Variants in SLC18A1 observed in about 807,000 individuals in gnomAD.
SLC18A1 encodes solute carrier family 18 member A1, also known as chromaffin granule amine transporter.
Under a neutral mutation model 53.7 loss-of-function variants are expected in SLC18A1, and 69 were observed. The ratio of observed to expected loss-of-function variants is 1.28; its 90% CI spans 1.06 to 1.57. The LOEUF is 1.57. Among genes scored for constraint, SLC18A1 ranks in the 40% most tolerant of loss-of-function variants. The pLI is 0.00. For missense variants in SLC18A1, 932 were observed against 668.1 expected (o/e 1.40, Z -4.35); for synonymous variants, 320 against 248.1 (o/e 1.29, Z -2.72).
At chr8:20,181,843 T>C (rs2072436826) in intron 1 of SLC18A1, 2 of 152,180 alleles carry the variant, frequency 1.3e-5, no homozygotes, top group African/African-American at 4.8e-5. Flanking sequence ...AATCCCACGC[T>C]TTTCAACTTG....
chr8:20,148,921 C>G (rs2071474780), intron 12 of SLC18A1, among the ~76,000 whole-genome samples: 1 of 152,158 alleles, frequency 6.6e-6, no homozygotes, highest in Non-Finnish European at 1.5e-5. Flanking sequence ...CATCAGAACC[C>G]TCTCTACATA....
chr8:20,147,165 G>C, intron 15 of SLC18A1, 93 bp downstream of exon 15: 2 of 1,355,462 alleles, frequency 1.5e-6, no homozygotes, highest in Non-Finnish European at 2.0e-6. Context: ...GAGCAATAGA[G>C]GGAGGAAATA....
intron 10 of SLC18A1, 199 bp from the exon 11 acceptor site, chr8:20,150,943 GC>G (rs1391718992): frequency 5.2e-6 from 3 of 580,180 alleles, no homozygotes; most frequent in Non-Finnish European, 9.3e-6. Context: ...CAGGAGCAAG[GC>G]TTTGTTTAGC....
chr8:20,179,594 A>G (rs934918257), intron 2 of SLC18A1, 110 bp from the exon 3 acceptor site: 6 of 1,383,708 alleles, frequency 4.3e-6, no homozygotes, highest in Non-Finnish European at 4.9e-6. Flanking sequence ...CAAGGAGGAC[A>G]GGTGATGGGG....
chr8:20,165,062 T>A lies in SLC18A1; in HGVS notation c.904A>T (p.Ile302Phe), dbSNP rs2071922586. The A allele has an allele frequency of 2.5e-6, 4 of 1,614,174 alleles. No individual in the cohort carries two copies. In the East Asian group the frequency reaches 8.9e-5, roughly 36 times the overall value. ...PLFMLLKDPY[I>F]LVAAGSICFA... ...GCCAGCTTACCTGCAGCCACCAGGA[T>A]GTAAGGGTCTTTGAGAAGCATAAAG... Residue 302 changes from isoleucine to phenylalanine, a missense_variant, in exon 9 of 16, where the codon ATC becomes TTC. Ile to Phe is a conservative substitution (Grantham distance 21, BLOSUM62 0). Transcript: ENST00000276373.
rs1448408204 is a variant in SLC18A1 at position 20,150,682 on chromosome 8, C to G, written c.1078G>C (p.Ala360Pro). Residue 360 changes from alanine to proline, a missense_variant, in exon 11 of 16, where the codon GCC becomes CCC. By Grantham distance (27) the Ala-to-Pro change is conservative. Coordinates refer to ENST00000276373, the MANE Select transcript of SLC18A1 (RefSeq NM_003053.4). ...LIGTNLFGVL[A>P]NKMGRWLCSL... ...GCTACATACCGACCCATCTTGTTGG[C>G]CAACACACCAAAGAGGTTGGTGCCA... 6.2e-7 allele frequency: 1 copy of G among 1,614,118 alleles called. No homozygotes were observed. Among genetic ancestry groups the G allele is most frequent in the Admixed American group, 1.7e-5 (1 of 60,022 alleles).
At chr8:20,147,460 A>G in intron 14 of SLC18A1, 69 bp from the exon 15 acceptor site, 1 of 1,578,574 alleles carries the variant, frequency 6.3e-7, no homozygotes, top group Admixed American at 1.7e-5. Flanking sequence ...CACGTAGGAC[A>G]CTATGCTAGG....
At chr8:20,173,868 C>T (rs1223805906) in intron 5 of SLC18A1, among the ~76,000 whole-genome samples, 1 of 151,556 alleles carries the variant, frequency 6.6e-6, no homozygotes, top group Non-Finnish European at 1.5e-5. Context: ...GATCTATGGA[C>T]CCTGTTAGAA....
intron 10 of SLC18A1, among the ~76,000 whole-genome samples, chr8:20,162,727 C>T (rs1364772806): frequency 2.6e-5 from 4 of 152,200 alleles, no homozygotes; most frequent in Non-Finnish European, 5.9e-5. Context: ...ATGACCTTCA[C>T]TGTCCATATT....
At chr8:20,147,944 A>G in intron 13 of SLC18A1, 63 bp downstream of exon 13, 1 of 1,557,154 alleles carries the variant, frequency 6.4e-7, no homozygotes, top group Admixed American at 1.7e-5. Flanking sequence ...AAGGGGGAGG[A>G]AAGGCATCAG....
At chr8:20,147,531 G>T in intron 14 of SLC18A1, 72 bp downstream of exon 14, 1 of 1,601,926 alleles carries the variant, frequency 6.2e-7, no homozygotes, top group Non-Finnish European at 8.5e-7. Flanking sequence ...TAGGAGGATA[G>T]CTTCCTGGCT....
rs544318948 is a variant in SLC18A1 at position 20,149,588 on chromosome 8, C to G, written c.1146+88G>C. ...TCTGTGTCTTTCTCTCTCTCTCTCT[C>G]CCTCTCTCTCTCTCTCTCTCTCTCT... On this transcript the variant is annotated intron_variant, in intron 12 of 15. Transcript: ENST00000276373. The G allele has an allele frequency of 3.2e-5, 30 of 940,966 alleles. 2 individuals carry two copies. In the East Asian group the frequency reaches 9.0e-4, roughly 28 times the overall value. 58.3% of individuals were successfully genotyped at this position (940,966 alleles called of 1,614,324 possible).
rs2071499770 is a variant in SLC18A1, at chr8:20,149,689, G to A, written c.1133C>T (p.Thr378Ile). The change falls in exon 12 of 16, where the codon ACC (threonine) becomes ATC (isoleucine). Residue 378 changes from threonine to isoleucine, a missense_variant. Physicochemically the swap from Thr to Ile is moderately conservative, Grantham distance 89. Transcript: ENST00000276373. Reference sequence around the variant, plus strand: ...TCTTATACTTACACAGAGCAAGCTGGTACCTACTACCAGCATCCCGATTAG... The same window carrying A: ...TCTTATACTTACACAGAGCAAGCTGATACCTACTACCAGCATCCCGATTAG... The part of the protein sequence containing the change: ...CSLIGMLVVG[T>I]SLLCVPLAHN... 1.2e-6 allele frequency: 2 copies of A among 1,612,156 alleles called. No individual in the cohort carries two copies. The highest frequency in any genetic ancestry group is 1.1e-5 in the South Asian group (1 of 91,008).
At chr8:20,181,150 G>T in intron 1 of SLC18A1, 63 bp from the exon 2 acceptor site, 3 of 565,496 alleles carry the variant, frequency 5.3e-6, no homozygotes, top group African/African-American at 1.9e-5. Flanking sequence ...ACATCTCCAT[G>T]TCTGTATCAC....
At chr8:20,180,702 T>A (rs1230785264) in intron 2 of SLC18A1, 139 bp downstream of exon 2, 4 of 1,073,892 alleles carry the variant, frequency 3.7e-6, no homozygotes. Context: ...TTTTTTCCAG[T>A]CCCCAACAAC....
At chr8:20,148,500 G>A in intron 12 of SLC18A1, 1 of 1,285,790 alleles carries the variant, frequency 7.8e-7, no homozygotes, top group South Asian at 1.2e-5. Flanking sequence ...GTTTCATTTA[G>A]ACTTCTAACT....
chr8:20,164,585 G>A (rs1216389140), intron 10 of SLC18A1, among the ~76,000 whole-genome samples: 2 of 152,178 alleles, frequency 1.3e-5, no homozygotes, highest in Non-Finnish European at 2.9e-5. Flanking sequence ...AATCAAAGGA[G>A]CTGAAACCAA....
At chr8:20,170,181 C>G (rs1585215174) in intron 8 of SLC18A1, among the ~76,000 whole-genome samples, 2 of 152,316 alleles carry the variant, frequency 1.3e-5, no homozygotes, top group Middle Eastern at 6.8e-3. Flanking sequence ...AAGAGCAGAG[C>G]ATCTCAGGAG....
Position 20,179,493 on chromosome 8 carries a change from C to G in SLC18A1, c.125-9G>C. On this transcript the variant is annotated splice_polypyrimidine_tract_variant and intron_variant, in intron 2 of 15. Coordinates refer to ENST00000276373, the MANE Select transcript of SLC18A1 (RefSeq NM_003053.4). ...GGTGGGCACAATTGGCACTGAAAGT[C>G]AAAGAGGACAGGTGATGGGGGCTAA... 1 of 1,602,868 alleles carries G rather than the reference C, an allele frequency of 6.2e-7. No homozygotes were observed. Among genetic ancestry groups the G allele is most frequent in the Non-Finnish European group, 8.5e-7 (1 of 1,174,088 alleles).
Sources: allele counts gnomAD v4.1 joint callset (sites outside exome capture counted in the v4.1 genomes callset), GRCh38; gene constraint gnomAD v4.1.1; transcripts MANE v1.5; gene names NCBI Gene and HGNC (gene_info 2026-07-23, HGNC 2026-07-21).